Variants in PGBD5 observed in about 807,000 individuals in gnomAD.
PGBD5 encodes piggyBac transposable element-derived protein 5.
Under a neutral mutation model 47.9 loss-of-function variants are expected in PGBD5, and 14 were observed. The ratio of observed to expected loss-of-function variants is 0.29; its 90% CI spans 0.19 to 0.46. The LOEUF is 0.46. Ranked by LOEUF, PGBD5 falls within the 20% of genes least tolerant of loss-of-function variation. PGBD5 has a pLI of 1.00. For missense variants in PGBD5, 635 were observed against 716.0 expected (o/e 0.89, Z 1.29); for synonymous variants, 316 against 306.3 (o/e 1.03, Z -0.33).
intron 1 of PGBD5, among the ~76,000 whole-genome samples, chr1:230,367,467 C>T (rs943356847): frequency 2.0e-5 from 3 of 152,076 alleles, no homozygotes; most frequent in South Asian, 2.1e-4. Flanking sequence ...TTTGAGAGTC[C>T]GAGGCTGGAG....
At chr1:230,417,004 G>C (rs575103132) in intron 1 of PGBD5, among the ~76,000 whole-genome samples, 2 of 152,228 alleles carry the variant, frequency 1.3e-5, no homozygotes, top group East Asian at 3.9e-4. Flanking sequence ...AGAAGTGGAA[G>C]GATTTGTAGT....
Position 230,332,976 on chromosome 1 carries a change from G to A in PGBD5, c.1141C>T (p.Leu381=). 1 of 1,613,832 alleles carries A rather than the reference G, an allele frequency of 6.2e-7. No homozygotes were observed. Among genetic ancestry groups the A allele is most frequent in the Non-Finnish European group, 8.5e-7 (1 of 1,179,836 alleles). ...SDCTGLPLSM[L]TNPATPPARG... ...GCCGGGGGTGTGGCTGGGTTGGTCA[G>A]CATGGACAGTGGGAGGCCGGTGCAG... The change falls in exon 5 of 7, where the codon CTG becomes TTG. Residue 381 remains leucine, a synonymous_variant. Transcript: ENST00000391860.
At chr1:230,337,773 C>G (rs114634250) in intron 3 of PGBD5, among the ~76,000 whole-genome samples, 1 of 152,100 alleles carries the variant, frequency 6.6e-6, no homozygotes, top group African/African-American at 2.4e-5. Context: ...ATTCCCCTCA[C>G]GGTGCAGAGG....
chr1:230,334,470 T>C (rs1400884575), intron 4 of PGBD5, among the ~76,000 whole-genome samples: 1 of 152,224 alleles, frequency 6.6e-6, no homozygotes, highest in African/African-American at 2.4e-5. Flanking sequence ...AATCTATCCC[T>C]TTATAAACAC....
chr1:230,377,719 C>T, intron 1 of PGBD5: 1 of 1,429,436 alleles, frequency 7.0e-7, no homozygotes, highest in Non-Finnish European at 9.2e-7. Context: ...GTATCCACCT[C>T]AAAGAGTCAT....
rs185713916 is a variant in PGBD5, at chr1:230,323,165, G to T, written c.*260C>A. 3 of 478,066 alleles carry T rather than the reference G, an allele frequency of 6.3e-6. No homozygotes were observed. The highest frequency in any genetic ancestry group is 5.8e-5 in the African/African-American group (3 of 51,658). The allele number at this position is 478,066 out of a possible 1,614,324, so 29.6% of individuals were successfully genotyped here. A position where few individuals can be genotyped will look rare whatever the true frequency, so the allele number is the denominator to read the frequency against. On this transcript the variant is annotated 3_prime_UTR_variant, in exon 7 of 7. Coordinates refer to ENST00000391860, the MANE Select transcript of PGBD5 (RefSeq NM_001258311.2). This position sits in a 1 kb window ranked among gnomAD's most constrained non-coding sequence, Gnocchi z 4.1. ...CTCCACGGATGTCATGAGAGAATCT[G>T]CCCTTGAGAACGTGGGTGTAAGTGC...
intron 3 of PGBD5, among the ~76,000 whole-genome samples, chr1:230,343,548 C>T (rs564828510): frequency 6.6e-6 from 1 of 152,352 alleles, no homozygotes; most frequent in African/African-American, 2.4e-5. Context: ...GTTATGTCTT[C>T]TGCCTCAGCC....
At chr1:230,389,592 T>C (rs1169985476) in intron 1 of PGBD5, among the ~76,000 whole-genome samples, 1 of 151,978 alleles carries the variant, frequency 6.6e-6, no homozygotes, top group African/African-American at 2.4e-5. Context: ...CTTCAGGATG[T>C]CTGCAGGAGA....
chr1:230,357,100 C>G lies in PGBD5; in HGVS notation c.553G>C (p.Val185Leu). The change falls in exon 2 of 7, where the codon GTC becomes CTC. Residue 185 changes from valine to leucine, a missense_variant. Coordinates refer to ENST00000391860, the MANE Select transcript of PGBD5 (RefSeq NM_001258311.2). The surrounding 1 kb of genome is among the most constrained non-coding windows in gnomAD (Gnocchi z 5.7). ...ISTSISHCESVLSIWSGGFYS... is the reference protein window; with the variant it reads ...ISTSISHCESLLSIWSGGFYS... Reference sequence around the variant, plus strand: ...AAGCCTCCGCTCCAGATGCTGAGGACGGACTCGCAGTGGGAGATGCTGGTG... The same window carrying G: ...AAGCCTCCGCTCCAGATGCTGAGGAGGGACTCGCAGTGGGAGATGCTGGTG... The G allele has an allele frequency of 6.2e-7, 1 of 1,614,162 alleles. No individual in the cohort carries two copies. Among genetic ancestry groups the G allele is most frequent in the Non-Finnish European group, 8.5e-7 (1 of 1,180,022 alleles).
Position 230,400,145 on chromosome 1 carries a change from C to T in PGBD5, c.331+25453G>A, listed in dbSNP as rs117908035. Among the ~76,000 whole-genome samples the T allele has an allele frequency of 9.6e-3, 1,461 of 152,346 alleles. 65 individuals carry two copies. Among genetic ancestry groups the T allele is most frequent in the Admixed American group, 0.074 (1,137 of 15,300 alleles). On this transcript the variant is annotated intron_variant, in intron 1 of 6. Coordinates refer to ENST00000391860, the MANE Select transcript of PGBD5 (RefSeq NM_001258311.2). ...TCTGACCGCCTTCCTCCTTCCTCCG[C>T]GCCTCGCCCACCAGGCACACTCCTG... is the stretch of plus-strand genomic sequence containing the variant.
chr1:230,333,085 A>G (rs748496031), intron 4 of PGBD5, 44 bp from the exon 5 acceptor site: 7 of 1,545,810 alleles, frequency 4.5e-6, no homozygotes, highest in Non-Finnish European at 6.1e-6. Flanking sequence ...CCACCATCGG[A>G]GATGCCGGCG....
intron 1 of PGBD5, among the ~76,000 whole-genome samples, chr1:230,389,118 T>C (rs1248680083): frequency 1.3e-5 from 2 of 151,970 alleles, no homozygotes; most frequent in African/African-American, 4.8e-5. Flanking sequence ...TCGATGCAAA[T>C]CTCTGCTATG....
At chr1:230,379,792 G>A (rs566243620) in intron 1 of PGBD5, among the ~76,000 whole-genome samples, 6 of 152,326 alleles carry the variant, frequency 3.9e-5, no homozygotes, top group African/African-American at 1.2e-4. Flanking sequence ...TCTACAGTGC[G>A]AGGTGCTTTT....
At chr1:230,342,840 G>C (rs1172983146) in intron 3 of PGBD5, among the ~76,000 whole-genome samples, 2 of 152,172 alleles carry the variant, frequency 1.3e-5, no homozygotes, top group Non-Finnish European at 2.9e-5. Flanking sequence ...GTTGCCTTCA[G>C]CCACATATGG....
At chr1:230,382,992 A>G (rs1656549615) in intron 1 of PGBD5, among the ~76,000 whole-genome samples, 1 of 152,156 alleles carries the variant, frequency 6.6e-6, no homozygotes, top group South Asian at 2.1e-4. Flanking sequence ...TGTCCGGGCA[A>G]TGGTTCTCTG....
At chr1:230,412,356 T>C (rs1307314092) in intron 1 of PGBD5, among the ~76,000 whole-genome samples, 1 of 151,914 alleles carries the variant, frequency 6.6e-6, no homozygotes, top group Non-Finnish European at 1.5e-5. Flanking sequence ...ATATTTTCTA[T>C]TCATTAAGGG....
chr1:230,377,710 T>C, intron 1 of PGBD5: 1 of 1,436,518 alleles, frequency 7.0e-7, no homozygotes, highest in Non-Finnish European at 9.2e-7. Flanking sequence ...AAGATTAGAG[T>C]ATCCACCTCA....
At chr1:230,373,885 A>G (rs1329185837) in intron 1 of PGBD5, among the ~76,000 whole-genome samples, 1 of 152,032 alleles carries the variant, frequency 6.6e-6, no homozygotes, top group East Asian at 1.9e-4. Flanking sequence ...TTTCGTAGAG[A>G]TGGTGTCTCA....
chr1:230,332,023 C>CAATACACACACACCACACCCACCAT (rs1667225948), intron 5 of PGBD5, among the ~76,000 whole-genome samples: 1 of 146,744 alleles, frequency 6.8e-6, no homozygotes, highest in Non-Finnish European at 1.5e-5. Flanking sequence ...ACACCACACA[C>CAATACACACACACCACACCCACCAT]ACCACACACA....
Sources: allele counts gnomAD v4.1 joint callset (sites outside exome capture counted in the v4.1 genomes callset), GRCh38; gene constraint gnomAD v4.1.1; non-coding constraint Gnocchi (gnomAD v3.1); transcripts MANE v1.5; gene names NCBI Gene and HGNC (gene_info 2026-07-23, HGNC 2026-07-21).